IPO11: variants seen among roughly 807,000 people sequenced by gnomAD.
The protein encoded by IPO11 is importin-11.
A neutral mutation model predicts 143.2 loss-of-function variants in IPO11; 66 were observed. The observed-to-expected ratio is 0.46, with a 90% CI of 0.38 to 0.57. The LOEUF (loss-of-function observed/expected upper bound fraction) is 0.57, where lower values mean the gene tolerates loss of function less well. Ranked by LOEUF, IPO11 falls within the 20% of genes least tolerant of loss-of-function variation. The probability of loss-of-function intolerance (pLI) is 0.00; values close to 1 mark genes in which losing one functional copy is unlikely to be tolerated. For synonymous variants in IPO11, 385 were observed against 377.8 expected, an observed-to-expected ratio of 1.02 and a Z score of -0.22; for missense variants, 1,026 against 1,141.0, an observed-to-expected ratio of 0.90 and a Z score of 1.45.
chr5:62,431,937 A>ATACATACATACATACG (rs1437947154), intron 1 of IPO11, among the ~76,000 whole-genome samples: 3 of 77,320 alleles, frequency 3.9e-5, no homozygotes, highest in African/African-American at 1.0e-4. Flanking sequence ...CAAGACTCAC[A>ATACATACATACATACG]TACATACATA....
intron 19 of IPO11, among the ~76,000 whole-genome samples, chr5:62,514,078 G>A (rs1373519005): frequency 6.6e-6 from 1 of 151,606 alleles, no homozygotes; most frequent in African/African-American, 2.4e-5. Flanking sequence ...TGGGATGGCG[G>A]CCGGGCAGAG....
intron 15 of IPO11, among the ~76,000 whole-genome samples, 187 bp downstream of exon 15, chr5:62,490,407 A>G (rs1746562749): frequency 6.6e-6 from 1 of 152,214 alleles, no homozygotes; most frequent in African/African-American, 2.4e-5. Flanking sequence ...GGTAGTTTGC[A>G]GGAGAAAAGG....
Position 62,441,348 on chromosome 5 carries a change from G to A in IPO11, c.139-1635G>A, listed in dbSNP as rs770472205. ...CAAGTAGCTGGGATTACAGGCATGC[G>A]CAACCATGCCTGGCTAATTTTGTAT... On this transcript the variant is annotated intron_variant, in intron 2 of 29. Transcript: ENST00000325324. Among the ~76,000 whole-genome samples, 91 of 150,786 alleles carry A rather than the reference G, an allele frequency of 6.0e-4. 1 individual carries two copies. The highest frequency in any genetic ancestry group is 3.5e-3 in the Middle Eastern group (1 of 286).
At chr5:62,618,662 A>C (rs1439700992) in intron 29 of IPO11, among the ~76,000 whole-genome samples, 1 of 152,184 alleles carries the variant, frequency 6.6e-6, no homozygotes, top group African/African-American at 2.4e-5. Flanking sequence ...CAATGGAAAA[A>C]TCTTTTCAGG....
At chr5:62,549,722 C>T (rs575258473) in intron 24 of IPO11, among the ~76,000 whole-genome samples, 1 of 152,260 alleles carries the variant, frequency 6.6e-6, no homozygotes, top group Non-Finnish European at 1.5e-5. Context: ...AAACAAACTC[C>T]ACCCTGCTTT....
chr5:62,464,442 TATTTTTTATTGTTGTTGTTTTCTTC>T (rs1159753089), intron 5 of IPO11, among the ~76,000 whole-genome samples: 4 of 151,868 alleles, frequency 2.6e-5, no homozygotes, highest in Admixed American at 1.3e-4. Context: ...CCCAGCTGGT[TATTTTTTATTGTTGTTGTTTTCTTC>T]GTTTTTTTTT....
intron 24 of IPO11, among the ~76,000 whole-genome samples, chr5:62,546,897 A>G (rs1743218258): frequency 6.6e-6 from 1 of 152,158 alleles, no homozygotes; most frequent in Non-Finnish European, 1.5e-5. Context: ...CCAGGTAATT[A>G]AAGTAGCTAT....
chr5:62,474,317 T>C, intron 7 of IPO11, 99 bp from the exon 8 acceptor site: 1 of 693,208 alleles, frequency 1.4e-6, no homozygotes, highest in South Asian at 2.4e-5. Flanking sequence ...CTAATTTTTT[T>C]AAGTGATGTG....
At chr5:62,600,038 T>G (rs971017807) in intron 28 of IPO11, among the ~76,000 whole-genome samples, 2 of 152,258 alleles carry the variant, frequency 1.3e-5, no homozygotes, top group South Asian at 2.1e-4. Flanking sequence ...TGATAAATCT[T>G]CTTTTTTTGG....
chr5:62,445,135 G>A (rs909997587), intron 3 of IPO11, among the ~76,000 whole-genome samples: 3 of 151,944 alleles, frequency 2.0e-5, no homozygotes, highest in Admixed American at 6.6e-5. Context: ...AGCACGAGTG[G>A]CAGTTTAGTA....
At chr5:62,549,778 C>T (rs1258799747) in intron 24 of IPO11, among the ~76,000 whole-genome samples, 1 of 152,198 alleles carries the variant, frequency 6.6e-6, no homozygotes, top group Non-Finnish European at 1.5e-5. Flanking sequence ...ACATCTCACT[C>T]ATATCAAAAT....
chr5:62,552,785 T>C (rs1422014464), intron 26 of IPO11, among the ~76,000 whole-genome samples: 1 of 152,212 alleles, frequency 6.6e-6, no homozygotes, highest in Non-Finnish European at 1.5e-5. Flanking sequence ...AATGAGTAAA[T>C]ATTTAATCAC....
At chr5:62,548,062 G>A (rs553211841) in intron 24 of IPO11, among the ~76,000 whole-genome samples, 2 of 144,102 alleles carry the variant, frequency 1.4e-5, no homozygotes, top group Non-Finnish European at 2.9e-5. Flanking sequence ...TTAATTGTAG[G>A]CAGTATGTAT....
intron 1 of IPO11, among the ~76,000 whole-genome samples, chr5:62,435,084 G>GTATATATGTATATATGTA (rs1302967198): frequency 1.9e-5 from 1 of 51,714 alleles, no homozygotes; most frequent in Admixed American, 1.7e-4. Context: ...ATATATATGT[G>GTATATATGTATATATGTA]TATATATGTA....
In IPO11 at chr5:62,483,049, T is replaced by A. The variant is rs566434659; in HGVS notation, c.829-52T>A. 185 of 1,154,458 alleles carry A rather than the reference T, an allele frequency of 1.6e-4. No individual in the cohort carries two copies. The East Asian group carries it at 3.2e-3, about 20-fold the overall frequency. 71.5% of individuals were successfully genotyped at this position (1,154,458 alleles called of 1,614,324 possible). A position where few individuals can be genotyped will look rare whatever the true frequency, so the allele number is the denominator to read the frequency against. ...TATAATTGGAGTGATTATATTCCAA[T>A]ATGAATTTGGGGAAAATACATTTTA... On this transcript the variant is annotated intron_variant, in intron 9 of 29. Coordinates refer to ENST00000325324, the MANE Select transcript of IPO11 (RefSeq NM_016338.5).
At chr5:62,445,048 C>G (rs1744671452) in intron 3 of IPO11, among the ~76,000 whole-genome samples, 1 of 151,778 alleles carries the variant, frequency 6.6e-6, no homozygotes, top group Non-Finnish European at 1.5e-5. Context: ...ATAATTTATA[C>G]AATATTAGGT....
intron 1 of IPO11, among the ~76,000 whole-genome samples, chr5:62,424,386 G>A (rs566375894): frequency 3.9e-4 from 59 of 151,962 alleles, no homozygotes; most frequent in African/African-American, 1.3e-3. Context: ...TGATCCGCCC[G>A]CCGGGGCCTC....
intron 26 of IPO11, among the ~76,000 whole-genome samples, chr5:62,557,369 G>T (rs1342985159): frequency 6.6e-6 from 1 of 152,148 alleles, no homozygotes; most frequent in Non-Finnish European, 1.5e-5. Context: ...TTTTAGTAGA[G>T]ACAGCGTTTC....
At chr5:62,565,575 T>TC (rs1238225075) in intron 27 of IPO11, among the ~76,000 whole-genome samples, 1 of 152,168 alleles carries the variant, frequency 6.6e-6, no homozygotes, top group Non-Finnish European at 1.5e-5. Context: ...TCTTCATCAT[T>TC]CCCCCACATT....
Sources: allele counts gnomAD v4.1 joint callset (sites outside exome capture counted in the v4.1 genomes callset), GRCh38; gene constraint gnomAD v4.1.1; transcripts MANE v1.5; gene names NCBI Gene and HGNC (gene_info 2026-07-23, HGNC 2026-07-21).